The following CCDC28B variants were observed in gnomAD, a reference collection of about 807,000 sequenced individuals.
CCDC28B encodes coiled-coil domain containing 28B.
Under a neutral mutation model 18.7 loss-of-function variants are expected in CCDC28B, and 17 were observed. The observed-to-expected ratio is 0.91, with a 90% CI of 0.62 to 1.36. CCDC28B has a LOEUF of 1.36. Among genes scored for constraint, CCDC28B ranks in the 40% most tolerant of loss-of-function variants. The pLI is 0.00. For missense variants in CCDC28B, 213 were observed against 251.7 expected, an observed-to-expected ratio of 0.85 and a Z score of 1.04; for synonymous variants, 116 against 105.1, an observed-to-expected ratio of 1.10 and a Z score of -0.64.
At chr1:32,202,303 A>C in intron 2 of CCDC28B, 3 of 717,186 alleles carry the variant, frequency 4.2e-6, no homozygotes. Flanking sequence ...CACTGGGATC[A>C]CATAGCGTGA....
At position 32,203,889 on chromosome 1, in the gene CCDC28B, G is replaced by C. The variant is rs1191258667; in HGVS notation, c.175G>C (p.Glu59Gln). ...GTCCACCCCACCCAGAGTAGGCAAA[G>C]AGAAGTGCCGCCCAGTCCTGGCTGG... ...QRAKFKRVGK[E>Q]KCRPVLAGGG... The change falls in exon 3 of 6, where the codon GAG becomes CAG. Residue 59 changes from glutamate to glutamine, a missense_variant. Transcript: ENST00000373602. 6.6e-7 allele frequency: 1 copy of C among 1,506,534 alleles called. No individual in the cohort carries two copies. The highest frequency in any genetic ancestry group is 8.9e-7 in the Non-Finnish European group (1 of 1,128,308). 93.3% of individuals were successfully genotyped at this position (1,506,534 alleles called of 1,614,324 possible).
chr1:32,201,724 T>G (rs757581076), intron 1 of CCDC28B, 189 bp from the exon 2 acceptor site: 2 of 480,824 alleles, frequency 4.2e-6, no homozygotes, highest in Non-Finnish European at 7.3e-6. Context: ...GGTTGGGCCT[T>G]AGAAGGTCCT....
At chr1:32,201,707 G>T in intron 1 of CCDC28B, 1 of 408,278 alleles carries the variant, frequency 2.4e-6, no homozygotes, top group Non-Finnish European at 4.3e-6. Flanking sequence ...AGGCAGAAGG[G>T]GAATTAGGTT....
upstream of CCDC28B, chr1:32,200,346 ACTCT>A (rs1372790117): frequency 2.0e-5 from 3 of 150,558 alleles, no homozygotes; most frequent in Non-Finnish European, 4.4e-5. Flanking sequence ...TCACTCACTC[ACTCT>A]GTCTCTCCTC....
chr1:32,203,780 A>T, intron 2 of CCDC28B, 99 bp from the exon 3 acceptor site: 1 of 942,298 alleles, frequency 1.1e-6, no homozygotes, highest in Non-Finnish European at 1.5e-6. Flanking sequence ...GTTAGTGCAG[A>T]TAGACAGATA....
chr1:32,203,855 CATG>C, intron 2 of CCDC28B, 21 bp from the exon 3 acceptor site: 1 of 1,488,660 alleles, frequency 6.7e-7, no homozygotes, highest in South Asian at 1.4e-5. Context: ...ACCCTGTGAT[CATG>C]GTCATGTCCA....
Position 32,205,322 on chromosome 1 carries a change from T to C in CCDC28B, c.*74T>C. ...ACTTTTTACAGACTCGGGCGGGTGT[T>C]CTGCGGCCCCCCAGGTGCTATGGGG... On this transcript the variant is annotated 3_prime_UTR_variant, in exon 6 of 6. Coordinates refer to ENST00000373602, the MANE Select transcript of CCDC28B (RefSeq NM_024296.5). This position sits in a 1 kb window ranked among gnomAD's most constrained non-coding sequence, Gnocchi z 5.6. 1 of 1,455,260 alleles carries C rather than the reference T, an allele frequency of 6.9e-7. No homozygotes were observed. The highest frequency in any genetic ancestry group is 1.3e-5 in the South Asian group (1 of 76,186). The allele number at this position is 1,455,260 out of a possible 1,614,324, so 90.1% of individuals were successfully genotyped here.
chr1:32,204,396 GT>G lies in CCDC28B; in HGVS notation c.525+18del. The G allele has an allele frequency of 4.5e-6, 7 of 1,552,760 alleles. No homozygotes were observed. Among genetic ancestry groups the G allele is most frequent in the Non-Finnish European group, 6.1e-6 (7 of 1,149,794 alleles). On this transcript the variant is annotated intron_variant, in intron 4 of 5. Transcript: ENST00000373602. ...CTTAGCAATGTGGGTTCATGTCTGG[GT>G]GCTTTGGTTCCTGGGGGCATGAGGG... is the stretch of plus-strand genomic sequence containing the variant.
chr1:32,205,134 T>C lies in CCDC28B; in HGVS notation c.549-60T>C. The C allele has an allele frequency of 4.4e-6, 7 of 1,598,900 alleles. No individual in the cohort carries two copies. The highest frequency in any genetic ancestry group is 4.5e-5 in the East Asian group (2 of 44,610). ...GTGAGGGAACTAAACCTGTGCAAGATGGGAGACCGGGGTGGGAGGAAGGAC... is the reference window on the plus strand; with the variant it reads ...GTGAGGGAACTAAACCTGTGCAAGACGGGAGACCGGGGTGGGAGGAAGGAC... On this transcript the variant is annotated intron_variant, in intron 5 of 5. Transcript: ENST00000373602. The surrounding 1 kb of genome is among the most constrained non-coding windows in gnomAD (Gnocchi z 5.6).
At chr1:32,198,616 G>C (rs1019552006), upstream of CCDC28B, among the ~76,000 whole-genome samples, 1 of 152,242 alleles carries the variant, frequency 6.6e-6, no homozygotes, top group Admixed American at 6.5e-5. Context: ...CAATGGTGCT[G>C]AGAGCAGAGA....
At position 32,201,970 on chromosome 1, in the gene CCDC28B, C is replaced by T; in HGVS notation, c.35C>T (p.Pro12Leu). 1 of 1,611,596 alleles carries T rather than the reference C, an allele frequency of 6.2e-7. No homozygotes were observed. Among genetic ancestry groups the T allele is most frequent in the Non-Finnish European group, 8.5e-7 (1 of 1,179,068 alleles). ...AAAAAGAAGAAACGGAGTCCCAAGC[C>T]CTGCCTGGCCCAGCCAGCCCAGGCC... ...DDKKKKRSPK[P>L]CLAQPAQAPG... The change falls in exon 2 of 6, where the codon CCC (proline) becomes CTC (leucine). Residue 12 changes from proline (P) to leucine (L), a missense_variant. Transcript: ENST00000373602.
intron 2 of CCDC28B, chr1:32,202,575 T>C (rs1643169665): frequency 3.0e-6 from 1 of 333,492 alleles, no homozygotes; most frequent in Admixed American, 4.1e-5. Flanking sequence ...TGTTCCCCAC[T>C]AAATACAATG....
chr1:32,204,110 AT>A, intron 3 of CCDC28B, 65 bp downstream of exon 3: 1 of 1,596,440 alleles, frequency 6.3e-7, no homozygotes, highest in Admixed American at 1.7e-5. Flanking sequence ...TCCATGGGGC[AT>A]GGCTGGGACC....
intron 5 of CCDC28B, chr1:32,204,990 C>A: frequency 1.7e-6 from 2 of 1,194,356 alleles, no homozygotes; most frequent in Non-Finnish European, 2.3e-6. Flanking sequence ...GCGCACACAC[C>A]CCAGTGTGTC....
chr1:32,199,995 T>C (rs1390988839), upstream of CCDC28B, among the ~76,000 whole-genome samples: 2 of 152,102 alleles, frequency 1.3e-5, no homozygotes, highest in African/African-American at 2.4e-5. Context: ...TGGTCTACCT[T>C]ATGACCTGGT....
upstream of CCDC28B, among the ~76,000 whole-genome samples, chr1:32,199,368 T>TGG (rs113383928): frequency 1.1e-4 from 17 of 151,638 alleles, no homozygotes; most frequent in African/African-American, 1.9e-4. Flanking sequence ...CTGGAGGGTG[T>TGG]GGGGGGGGTG....
At position 32,201,913 on chromosome 1, in the gene CCDC28B, G is replaced by A. The variant is rs757611940; in HGVS notation, c.-23G>A. The A allele has an allele frequency of 3.2e-6, 5 of 1,578,104 alleles. No homozygotes were observed. Among genetic ancestry groups the A allele is most frequent in the Non-Finnish European group, 3.4e-6 (4 of 1,164,596 alleles). On this transcript the variant is annotated splice_region_variant and 5_prime_UTR_variant, in exon 2 of 6. Transcript: ENST00000373602. The stretch of plus-strand genomic sequence containing the variant: ...CTTTGTGGGGTTGCTTCCCTCCTAG[G>A]CCTGAGGCCCAGCCAGCGCCCAATG...
chr1:32,201,699 G>A (rs1643150437), intron 1 of CCDC28B: 1 of 390,376 alleles, frequency 2.6e-6, no homozygotes, highest in Non-Finnish European at 4.6e-6. Context: ...AGGTTTTCAG[G>A]CAGAAGGGGA....
chr1:32,204,432 G>A, intron 4 of CCDC28B, 53 bp downstream of exon 4: 1 of 1,529,302 alleles, frequency 6.5e-7, no homozygotes, highest in Non-Finnish European at 8.8e-7. Flanking sequence ...GGTGGAGAAG[G>A]TACATACTCC....
Sources: gnomAD v4.1 joint callset for allele counts (sites outside exome capture counted in the v4.1 genomes callset) on GRCh38, gnomAD v4.1.1 for gene constraint, Gnocchi (gnomAD v3.1) non-coding constraint, MANE v1.5 for transcripts, NCBI Gene and HGNC (gene_info 2026-07-23, HGNC 2026-07-21) for gene names.